Variants in CADPS2 observed in about 807,000 individuals in gnomAD.
CADPS2 encodes the protein calcium dependent secretion activator 2, also known as calcium-dependent secretion activator 2.
A neutral mutation model predicts 172.5 loss-of-function variants in CADPS2; 93 were observed. The ratio of observed to expected loss-of-function variants is 0.54; its 90% CI spans 0.46 to 0.64. The LOEUF (loss-of-function observed/expected upper bound fraction) is 0.64, where lower values mean the gene tolerates loss of function less well. Among genes scored for constraint, CADPS2 ranks in the 30% least tolerant of loss-of-function variants. CADPS2 has a pLI of 0.00. For missense variants in CADPS2, 1,420 were observed against 1,565.9 expected, an observed-to-expected ratio of 0.91 and a Z score of 1.57; for synonymous variants, 546 against 555.2, an observed-to-expected ratio of 0.98 and a Z score of 0.23.
intron 1 of CADPS2, among the ~76,000 whole-genome samples, chr7:122,754,366 T>C (rs1562940502): frequency 6.6e-6 from 1 of 152,212 alleles, no homozygotes. Flanking sequence ...GTTAGAAAAA[T>C]GTTTGCTTCT....
chr7:122,519,886 A>G (rs977495205), intron 8 of CADPS2, among the ~76,000 whole-genome samples: 1 of 152,040 alleles, frequency 6.6e-6, no homozygotes, highest in Non-Finnish European at 1.5e-5. Context: ...GGAAATGGCC[A>G]GTCCTTAAGC....
chr7:122,475,651 G>T (rs1474550586), intron 12 of CADPS2, among the ~76,000 whole-genome samples: 2 of 152,116 alleles, frequency 1.3e-5, no homozygotes, highest in Non-Finnish European at 2.9e-5. Context: ...AGATCTTATT[G>T]ATCCATGTCA....
chr7:122,388,703 T>G lies in CADPS2; in HGVS notation c.3044A>C (p.Lys1015Thr). ...GSATSEDLFW[K>T]LDALQMFVFD... is the part of the protein sequence containing the mutation. The stretch of plus-strand genomic sequence containing the variant: ...GACAAACATTTGCAGTGCATCAAGC[T>G]TCCAAAAAAGGTCTTCTGATGTTGC... Residue 1015 changes from lysine (K) to threonine (T), a missense_variant, in exon 23 of 30, where the codon AAG becomes ACG. Coordinates refer to ENST00000449022, the MANE Select transcript of CADPS2 (RefSeq NM_017954.11). 6.2e-7 allele frequency: 1 copy of G among 1,608,398 alleles called. No individual in the cohort carries two copies. Among genetic ancestry groups the G allele is most frequent in the Non-Finnish European group, 8.5e-7 (1 of 1,176,644 alleles).
intron 1 of CADPS2, among the ~76,000 whole-genome samples, chr7:122,852,898 AAAAC>A (rs2141134678): frequency 6.6e-6 from 1 of 152,316 alleles, no homozygotes; most frequent in African/African-American, 2.4e-5. Context: ...TGGAAGCAGA[AAAAC>A]AAATTTAGGA....
At chr7:122,726,786 A>AAAC (rs1462647432) in intron 2 of CADPS2, among the ~76,000 whole-genome samples, 3 of 151,456 alleles carry the variant, frequency 2.0e-5, no homozygotes, top group East Asian at 3.9e-4. Flanking sequence ...AAAAAAAAAA[A>AAAC]AAACTATCCA....
At chr7:122,384,976 T>C (rs977490082) in intron 24 of CADPS2, among the ~76,000 whole-genome samples, 21 of 151,990 alleles carry the variant, frequency 1.4e-4, no homozygotes. Flanking sequence ...GCAGTGTATG[T>C]TAAAATAAGA....
chr7:122,383,416 A>G (rs2043251963), intron 24 of CADPS2, among the ~76,000 whole-genome samples: 1 of 152,114 alleles, frequency 6.6e-6, no homozygotes, highest in Non-Finnish European at 1.5e-5. Flanking sequence ...AAAACTACAC[A>G]TGTACCCCCA....
At chr7:122,749,965 A>G (rs1474833755) in intron 1 of CADPS2, among the ~76,000 whole-genome samples, 1 of 151,186 alleles carries the variant, frequency 6.6e-6, no homozygotes, top group Non-Finnish European at 1.5e-5. Context: ...TGAGGTTAAA[A>G]AAAAAAAAAA....
intron 8 of CADPS2, among the ~76,000 whole-genome samples, chr7:122,517,980 T>C (rs1016884644): frequency 6.6e-6 from 1 of 152,022 alleles, no homozygotes; most frequent in African/African-American, 2.4e-5. Flanking sequence ...TTGTTGTTTC[T>C]TAATGTTCAG....
chr7:122,364,259 A>T lies in CADPS2; in HGVS notation c.3388-3246T>A, dbSNP rs1007117554. On this transcript the variant is annotated intron_variant, in intron 25 of 29. Coordinates refer to ENST00000449022, the MANE Select transcript of CADPS2 (RefSeq NM_017954.11). The stretch of plus-strand genomic sequence containing the variant: ...GATCCTGTCTCTACAAAAAAAAATT[A>T]AAAAAATTGGCTGGGCATGGTGGCG... 7.9e-5 allele frequency among the ~76,000 whole-genome samples: 12 copies of T among 151,846 alleles called. No homozygotes were observed. The East Asian group carries it at 9.7e-4, about 12-fold the overall frequency.
At chr7:122,699,376 A>C (rs2085663462) in intron 2 of CADPS2, among the ~76,000 whole-genome samples, 1 of 152,196 alleles carries the variant, frequency 6.6e-6, no homozygotes, top group African/African-American at 2.4e-5. Context: ...TAAAGCCTGA[A>C]AGCACATGTA....
chr7:122,647,890 ATT>A (rs1204638441), intron 3 of CADPS2, among the ~76,000 whole-genome samples: 2 of 152,168 alleles, frequency 1.3e-5, no homozygotes, highest in African/African-American at 2.4e-5. Context: ...TATAGAAGGA[ATT>A]TATTGAATAT....
chr7:122,512,083 C>CT (rs1451811709), intron 9 of CADPS2, among the ~76,000 whole-genome samples: 3 of 151,860 alleles, frequency 2.0e-5, no homozygotes, highest in Non-Finnish European at 4.4e-5. Flanking sequence ...GAAGAGGTTA[C>CT]TTTTTAGCCA....
chr7:122,823,213 T>C (rs1446855560), intron 1 of CADPS2, among the ~76,000 whole-genome samples: 1 of 152,228 alleles, frequency 6.6e-6, no homozygotes, highest in Non-Finnish European at 1.5e-5. Flanking sequence ...ATCTTTATCA[T>C]TAAAGAAACA....
intron 1 of CADPS2, among the ~76,000 whole-genome samples, chr7:122,849,517 C>T (rs891776961): frequency 3.3e-5 from 5 of 152,270 alleles, no homozygotes; most frequent in Non-Finnish European, 7.4e-5. Flanking sequence ...TCAGTCTCTG[C>T]GGTCCCCAGC....
intron 24 of CADPS2, among the ~76,000 whole-genome samples, chr7:122,385,599 C>T (rs1053045483): frequency 1.3e-5 from 2 of 152,040 alleles, no homozygotes; most frequent in Non-Finnish European, 1.5e-5. Flanking sequence ...ACTAGTCAAT[C>T]CTTTACGCAT....
At chr7:122,496,990 T>G (rs541853661) in intron 9 of CADPS2, among the ~76,000 whole-genome samples, 39 of 152,278 alleles carry the variant, frequency 2.6e-4, no homozygotes, top group Non-Finnish European at 4.3e-4. Context: ...AGAAATAATC[T>G]CATATATATA....
At chr7:122,825,832 A>T (rs1026412354) in intron 1 of CADPS2, among the ~76,000 whole-genome samples, 1 of 152,178 alleles carries the variant, frequency 6.6e-6, no homozygotes, top group Non-Finnish European at 1.5e-5. Context: ...ACTTTGATAC[A>T]ATCCATCTAA....
intron 3 of CADPS2, among the ~76,000 whole-genome samples, chr7:122,630,688 A>C (rs1343255523): frequency 2.6e-5 from 4 of 152,190 alleles, no homozygotes; most frequent in Admixed American, 2.0e-4. Flanking sequence ...ATAGGTCAGA[A>C]AGACGGAAGT....
Sources: allele counts gnomAD v4.1 joint callset (sites outside exome capture counted in the v4.1 genomes callset), GRCh38; gene constraint gnomAD v4.1.1; transcripts MANE v1.5; gene names NCBI Gene and HGNC (gene_info 2026-07-23, HGNC 2026-07-21).